The following KCNMA1 variants were observed in gnomAD, a reference collection of about 807,000 sequenced individuals.
KCNMA1 encodes potassium calcium-activated channel subfamily M alpha 1.
KCNMA1 carries 29 observed loss-of-function variants against 140.0 expected under a neutral mutation model. The ratio of observed to expected loss-of-function variants is 0.21; its 90% confidence interval spans 0.15 to 0.28. The LOEUF is 0.28. KCNMA1 is among the 10% of genes least tolerant of loss of function. The pLI is 1.00. For synonymous variants in KCNMA1, 612 were observed against 611.9 expected, an observed-to-expected ratio of 1.00 and a Z score of 0.00; for missense variants, 880 against 1,602.2, an observed-to-expected ratio of 0.55 and a Z score of 7.70.
intron 1 of KCNMA1, among the ~76,000 whole-genome samples, chr10:77,461,581 C>G (rs910346559): frequency 6.6e-6 from 1 of 152,116 alleles, no homozygotes; most frequent in African/African-American, 2.4e-5. Flanking sequence ...GATCACCCAG[C>G]CTTCTACCCT....
intron 1 of KCNMA1, among the ~76,000 whole-genome samples, chr10:77,536,193 CAAAG>C (rs2058844813): frequency 6.6e-6 from 1 of 152,134 alleles, no homozygotes; most frequent in Non-Finnish European, 1.5e-5. Flanking sequence ...AAAATTAAGA[CAAAG>C]AAAGGAAAAT....
At chr10:76,959,890 G>C (rs962268390) in intron 20 of KCNMA1, among the ~76,000 whole-genome samples, 2 of 152,128 alleles carry the variant, frequency 1.3e-5, no homozygotes, top group Non-Finnish European at 2.9e-5. Context: ...TTATTATCGG[G>C]CTCTGTGTAT....
At chr10:77,629,516 C>T (rs1169654239) in intron 1 of KCNMA1, among the ~76,000 whole-genome samples, 6 of 152,224 alleles carry the variant, frequency 3.9e-5, no homozygotes, top group Admixed American at 3.9e-4. Context: ...AATGCATTCT[C>T]GTTCAGCCCC....
At chr10:77,620,438 G>A (rs1312939379) in intron 1 of KCNMA1, among the ~76,000 whole-genome samples, 1 of 152,204 alleles carries the variant, frequency 6.6e-6, no homozygotes, top group Non-Finnish European at 1.5e-5. Flanking sequence ...AACAGAGAAG[G>A]CTTTTCTAAG....
intron 2 of KCNMA1, among the ~76,000 whole-genome samples, chr10:77,332,571 G>A (rs2086879596): frequency 9.7e-6 from 1 of 103,388 alleles, no homozygotes; most frequent in South Asian, 3.3e-4. Flanking sequence ...CTCACTGGGT[G>A]GCAGAATGGA....
intron 3 of KCNMA1, among the ~76,000 whole-genome samples, chr10:77,208,760 T>G (rs2045023019): frequency 6.6e-6 from 1 of 152,348 alleles, no homozygotes; most frequent in Middle Eastern, 3.4e-3. Context: ...TAGTTTTTCA[T>G]GCACAGGCAA....
intron 15 of KCNMA1, among the ~76,000 whole-genome samples, chr10:77,037,907 G>T (rs2094439223): frequency 6.6e-6 from 1 of 152,152 alleles, no homozygotes. Context: ...CAATGCCTCT[G>T]AATGCTTAAC....
intron 10 of KCNMA1, among the ~76,000 whole-genome samples, chr10:77,087,908 T>A (rs2096729881): frequency 6.6e-6 from 1 of 151,858 alleles, no homozygotes; most frequent in Non-Finnish European, 1.5e-5. Flanking sequence ...GCAGATAACA[T>A]TTTAAATAAA....
chr10:77,066,449 A>G (rs1254984511), intron 14 of KCNMA1, among the ~76,000 whole-genome samples: 1 of 152,184 alleles, frequency 6.6e-6, no homozygotes, highest in Non-Finnish European at 1.5e-5. Context: ...CCAATAGTAA[A>G]ATGAGCAAAG....
intron 1 of KCNMA1, among the ~76,000 whole-genome samples, chr10:77,442,349 A>G (rs2097424690): frequency 6.6e-6 from 1 of 151,756 alleles, no homozygotes; most frequent in Admixed American, 6.6e-5. Context: ...CTTGCCACCT[A>G]GACCCCCGCC....
At chr10:76,941,967 T>C (rs1258676976) in intron 23 of KCNMA1, among the ~76,000 whole-genome samples, 1 of 151,992 alleles carries the variant, frequency 6.6e-6, no homozygotes, top group Non-Finnish European at 1.5e-5. Context: ...TTTATTTGTT[T>C]GTTGGTTTAT....
chr10:77,462,871 C>A (rs1459414560), intron 1 of KCNMA1, among the ~76,000 whole-genome samples: 1 of 152,174 alleles, frequency 6.6e-6, no homozygotes, highest in Non-Finnish European at 1.5e-5. Flanking sequence ...TACTCTCTCA[C>A]CCCATCCCAG....
At chr10:77,600,694 C>A (rs547607136) in intron 1 of KCNMA1, among the ~76,000 whole-genome samples, 1 of 152,108 alleles carries the variant, frequency 6.6e-6, no homozygotes, top group Admixed American at 6.5e-5. Context: ...TTGCGGTGAG[C>A]TGAGGTCACG....
intron 5 of KCNMA1, among the ~76,000 whole-genome samples, chr10:77,169,661 T>C (rs979127029): frequency 1.3e-5 from 2 of 151,938 alleles, no homozygotes; most frequent in Admixed American, 1.3e-4. Flanking sequence ...ATTACAGGAG[T>C]GAGCCACCAC....
At chr10:77,000,637 A>G (rs2085921288) in intron 19 of KCNMA1, among the ~76,000 whole-genome samples, 1 of 152,072 alleles carries the variant, frequency 6.6e-6, no homozygotes, top group South Asian at 2.1e-4. Flanking sequence ...TGGAATCACA[A>G]TTGCTGCAAG....
chr10:77,582,426 G>T (rs569733650), intron 1 of KCNMA1, among the ~76,000 whole-genome samples: 1 of 152,306 alleles, frequency 6.6e-6, no homozygotes, highest in Admixed American at 6.5e-5. Flanking sequence ...GCTCTGCTTA[G>T]GGACCTGAAG....
At chr10:77,530,093 C>CTACA (rs1340777983) in intron 1 of KCNMA1, among the ~76,000 whole-genome samples, 2 of 152,238 alleles carry the variant, frequency 1.3e-5, no homozygotes, top group African/African-American at 4.8e-5. Context: ...CCAGCAGTGT[C>CTACA]TACATGGTTG....
chr10:77,213,158 G>A (rs377717213), intron 3 of KCNMA1, among the ~76,000 whole-genome samples: 6 of 151,922 alleles, frequency 3.9e-5, no homozygotes, highest in East Asian at 3.9e-4. Flanking sequence ...TTGTTATGAC[G>A]TGTAATGATA....
At chr10:77,333,511 T>C (rs777383696) in intron 2 of KCNMA1, among the ~76,000 whole-genome samples, 11 of 152,196 alleles carry the variant, frequency 7.2e-5, no homozygotes, top group Admixed American at 6.5e-4. Context: ...GCTACATTAC[T>C]ATAAACGAGT....
Sources: allele counts gnomAD v4.1 joint callset (sites outside exome capture counted in the v4.1 genomes callset), GRCh38; gene constraint gnomAD v4.1.1; transcripts MANE v1.5; gene names NCBI Gene and HGNC (gene_info 2026-07-23, HGNC 2026-07-21).